TYW1B: variants seen among roughly 807,000 people sequenced by gnomAD.
TYW1B encodes S-adenosyl-L-methionine-dependent tRNA 4-demethylwyosine synthase TYW1B.
TYW1B carries 73 observed loss-of-function variants against 86.9 expected under a neutral mutation model. The observed-to-expected ratio is 0.84, with a 90% CI of 0.70 to 1.02. TYW1B has a LOEUF of 1.02. Among genes scored for constraint, TYW1B ranks in the 50% least tolerant of loss-of-function variants. The probability of loss-of-function intolerance (pLI) is 0.00; values close to 1 mark genes in which losing one functional copy is unlikely to be tolerated. For missense variants in TYW1B, 637 were observed against 827.4 expected, an observed-to-expected ratio of 0.77 and a Z score of 2.82; for synonymous variants, 248 against 292.8, an observed-to-expected ratio of 0.85 and a Z score of 1.56.
chr7:72,779,152 ATT>A (rs1263390486), intron 6 of TYW1B, among the ~76,000 whole-genome samples: 1 of 152,182 alleles, frequency 6.6e-6, no homozygotes, highest in Non-Finnish European at 1.5e-5. Context: ...GTCCCTGTCT[ATT>A]TTAAATGTCC....
intron 10 of TYW1B, among the ~76,000 whole-genome samples, chr7:72,698,978 A>G (rs1814391677): frequency 6.6e-6 from 1 of 152,228 alleles, no homozygotes; most frequent in African/African-American, 2.4e-5. Context: ...AGGGATTACT[A>G]CGAACTGGAC....
intron 11 of TYW1B, among the ~76,000 whole-genome samples, chr7:72,663,860 A>C (rs1357580519): frequency 6.7e-6 from 1 of 149,896 alleles, no homozygotes; most frequent in African/African-American, 2.5e-5. Context: ...TTTTTTTTTT[A>C]ATCTTACGAC....
intron 3 of TYW1B, among the ~76,000 whole-genome samples, chr7:72,811,492 C>A (rs1245585925): frequency 1.3e-5 from 2 of 151,756 alleles, no homozygotes; most frequent in African/African-American, 4.8e-5. Flanking sequence ...CCTTGCTTAT[C>A]CAATAAGAGT....
chr7:72,607,676 GAAAC>G (rs1462575137), intron 13 of TYW1B, among the ~76,000 whole-genome samples: 1 of 151,434 alleles, frequency 6.6e-6, no homozygotes, highest in African/African-American at 2.4e-5. Context: ...GACTAAAAGA[GAAAC>G]AAACAAAGCC....
chr7:72,642,392 T>C (rs1306329904), intron 11 of TYW1B, among the ~76,000 whole-genome samples: 1 of 152,212 alleles, frequency 6.6e-6, no homozygotes, highest in Non-Finnish European at 1.5e-5. Context: ...TGGCAGCTCC[T>C]GAAAAAGTTA....
In TYW1B at chr7:72,615,194, T is replaced by C. The variant is rs575500637; in HGVS notation, c.1785+1478A>G. On this transcript the variant is annotated intron_variant, in intron 13 of 13. Coordinates refer to ENST00000620995, the MANE Select transcript of TYW1B (RefSeq NM_001145440.3). ...CTTGAATGAGATGGTTTGCTATCTA[T>C]TTCCTCTATCCTCATGGGAAAAGAG... is the stretch of plus-strand genomic sequence containing the variant. Among the ~76,000 whole-genome samples, 104 of 152,378 alleles carry C rather than the reference T, an allele frequency of 6.8e-4. No individual in the cohort carries two copies. The South Asian group carries it at 0.014, about 20-fold the overall frequency.
intron 3 of TYW1B, among the ~76,000 whole-genome samples, chr7:72,812,577 T>C (rs1178855330): frequency 6.6e-6 from 1 of 152,180 alleles, no homozygotes; most frequent in African/African-American, 2.4e-5. Flanking sequence ...CTCACTCATG[T>C]GCACACCAAT....
chr7:72,756,600 C>T (rs770015588), intron 7 of TYW1B, among the ~76,000 whole-genome samples: 2 of 152,044 alleles, frequency 1.3e-5, no homozygotes, highest in African/African-American at 4.8e-5. Flanking sequence ...GGGAATCTTG[C>T]TAGGGCAGAA....
intron 13 of TYW1B, among the ~76,000 whole-genome samples, chr7:72,586,742 T>TAATAAC (rs1811287191): frequency 6.7e-6 from 1 of 149,208 alleles, no homozygotes; most frequent in Non-Finnish European, 1.5e-5. Context: ...CATCTCAAAA[T>TAATAAC]AATAATAATA....
chr7:72,677,438 A>T (rs1396983746), intron 11 of TYW1B, among the ~76,000 whole-genome samples: 1 of 151,818 alleles, frequency 6.6e-6, no homozygotes, highest in African/African-American at 2.4e-5. Context: ...GTGAGCCACC[A>T]CATCCTGAAC....
chr7:72,732,724 C>A (rs1262024017), intron 8 of TYW1B, among the ~76,000 whole-genome samples: 2 of 151,704 alleles, frequency 1.3e-5, no homozygotes, highest in African/African-American at 2.4e-5. Context: ...AAAAACAAAC[C>A]AAACCCAAAA....
intron 10 of TYW1B, among the ~76,000 whole-genome samples, chr7:72,711,157 G>A (rs1786652602): frequency 1.3e-5 from 2 of 152,132 alleles, no homozygotes; most frequent in Non-Finnish European, 2.9e-5. Context: ...AAAACAGTGG[G>A]CCTTAATAAG....
At chr7:72,823,379 T>C (rs1554480900) in intron 2 of TYW1B, among the ~76,000 whole-genome samples, 2 of 151,712 alleles carry the variant, frequency 1.3e-5, no homozygotes, top group African/African-American at 4.8e-5. Flanking sequence ...CCCAACACTT[T>C]GGGAGGCCAA....
At chr7:72,792,403 T>G (rs1345113233) in intron 6 of TYW1B, among the ~76,000 whole-genome samples, 5 of 151,792 alleles carry the variant, frequency 3.3e-5, no homozygotes, top group African/African-American at 1.2e-4. Context: ...AAACACAAAA[T>G]GCATCCAATC....
intron 9 of TYW1B, among the ~76,000 whole-genome samples, chr7:72,722,691 G>A (rs1201634321): frequency 6.6e-6 from 1 of 152,168 alleles, no homozygotes; most frequent in Non-Finnish European, 1.5e-5. Flanking sequence ...TTCCAAAGCT[G>A]CTCAGGACTG....
At chr7:72,693,966 A>C (rs1259661827) in intron 11 of TYW1B, among the ~76,000 whole-genome samples, 2 of 151,778 alleles carry the variant, frequency 1.3e-5, no homozygotes, top group Admixed American at 6.6e-5. Flanking sequence ...TTTATTATTT[A>C]TTTATTTTTT....
At chr7:72,808,774 G>A (rs554471724) in intron 4 of TYW1B, among the ~76,000 whole-genome samples, 5 of 151,914 alleles carry the variant, frequency 3.3e-5, no homozygotes, top group Non-Finnish European at 5.9e-5. Context: ...TGATCCGCCC[G>A]CCTCTGCCTC....
intron 2 of TYW1B, among the ~76,000 whole-genome samples, chr7:72,821,019 C>G (rs1477016324): frequency 6.6e-6 from 1 of 152,222 alleles, no homozygotes; most frequent in African/African-American, 2.4e-5. Flanking sequence ...GTCCCCCAGG[C>G]TGGAGTGCAG....
intron 9 of TYW1B, among the ~76,000 whole-genome samples, chr7:72,725,256 T>C (rs1554458464): frequency 6.6e-6 from 1 of 152,200 alleles, no homozygotes; most frequent in African/African-American, 2.4e-5. Context: ...CAGATCGTCA[T>C]TCTGTAGGAA....
Sources: allele counts gnomAD v4.1 joint callset (sites outside exome capture counted in the v4.1 genomes callset), GRCh38; gene constraint gnomAD v4.1.1; transcripts MANE v1.5; gene names NCBI Gene and HGNC (gene_info 2026-07-23, HGNC 2026-07-21).